The following RBM33 variants were observed in gnomAD, a reference collection of about 807,000 sequenced individuals.
RBM33 encodes the protein RNA-binding protein 33.
Under a neutral mutation model 132.6 loss-of-function variants are expected in RBM33, and 28 were observed. The observed-to-expected ratio is 0.21, with a 90% CI of 0.16 to 0.29. The LOEUF (loss-of-function observed/expected upper bound fraction) is 0.29. Among genes scored for constraint, RBM33 ranks in the 10% least tolerant of loss-of-function variants. RBM33 has a pLI of 1.00. For missense variants in RBM33, 1,291 were observed against 1,518.5 expected (o/e 0.85, Z 2.49); for synonymous variants, 634 against 593.0 (o/e 1.07, Z -1.01).
chr7:155,737,290 C>T (rs539480107), intron 9 of RBM33, among the ~76,000 whole-genome samples: 13 of 147,262 alleles, frequency 8.8e-5, no homozygotes, highest in Admixed American at 4.7e-4. Context: ...CTGTGGTGTT[C>T]GCATGATGGA....
At chr7:155,666,065 C>T (rs1798792158) in intron 2 of RBM33, among the ~76,000 whole-genome samples, 1 of 152,172 alleles carries the variant, frequency 6.6e-6, no homozygotes, top group Non-Finnish European at 1.5e-5. Context: ...TCTTTAGTGA[C>T]TCATGCAGTG....
At chr7:155,709,885 A>G (rs1487680095) in intron 7 of RBM33, among the ~76,000 whole-genome samples, 3 of 152,338 alleles carry the variant, frequency 2.0e-5, no homozygotes, top group Non-Finnish European at 1.5e-5. Context: ...AGGTGGGCCA[A>G]AGCCATTCAC....
intron 7 of RBM33, among the ~76,000 whole-genome samples, chr7:155,710,958 C>T (rs980211004): frequency 6.1e-5 from 9 of 147,924 alleles, no homozygotes; most frequent in Admixed American, 2.0e-4. Flanking sequence ...GGGCTGTTTT[C>T]CCTCTTGCGT....
At chr7:155,730,539 G>A (rs778543035) in intron 9 of RBM33, among the ~76,000 whole-genome samples, 1 of 152,192 alleles carries the variant, frequency 6.6e-6, no homozygotes, top group African/African-American at 2.4e-5. Flanking sequence ...TGAGCAAACT[G>A]AGGCCCAGAC....
intron 8 of RBM33, among the ~76,000 whole-genome samples, chr7:155,714,841 C>T (rs1178147373): frequency 6.6e-6 from 1 of 152,112 alleles, no homozygotes; most frequent in African/African-American, 2.4e-5. Flanking sequence ...TGGGACCCTC[C>T]CATACGTGGG....
intron 5 of RBM33, among the ~76,000 whole-genome samples, chr7:155,684,316 G>T (rs377616096): frequency 2.2e-4 from 33 of 152,170 alleles, no homozygotes; most frequent in African/African-American, 7.5e-4. Flanking sequence ...TCACTTGTTA[G>T]CAATACCAGA....
chr7:155,713,197 G>T lies in RBM33; in HGVS notation c.1201+1742G>T, dbSNP rs187917179. Among the ~76,000 whole-genome samples, 259 of 152,240 alleles carry T rather than the reference G, an allele frequency of 1.7e-3. 2 individuals carry two copies. Among genetic ancestry groups the T allele is most frequent in the Admixed American group, 0.015 (232 of 15,282 alleles). On this transcript the variant is annotated intron_variant, in intron 8 of 17. Transcript: ENST00000401878. ...GTGGGGAGATCAAAAGTTCTGTTTT[G>T]GGTGCATTAAATTTGAGATGCCAAC...
intron 7 of RBM33, chr7:155,707,530 T>A (rs1218743174): frequency 3.2e-6 from 1 of 313,900 alleles, no homozygotes; most frequent in Non-Finnish European, 6.2e-6. Flanking sequence ...TAACATGTCC[T>A]CCATACAAAG....
intron 14 of RBM33, among the ~76,000 whole-genome samples, chr7:155,763,154 T>C (rs544401553): frequency 3.6e-4 from 55 of 152,248 alleles, no homozygotes; most frequent in Non-Finnish European, 7.1e-4. Context: ...TAAATGCGCT[T>C]CTTGGAAATC....
intron 1 of RBM33, among the ~76,000 whole-genome samples, chr7:155,661,434 G>C (rs188001954): frequency 9.4e-4 from 133 of 142,120 alleles, no homozygotes; most frequent in African/African-American, 3.3e-3. Context: ...CCCAGACAGA[G>C]TCTTGCTCTG....
Position 155,733,632 on chromosome 7 carries a change from C to T in RBM33, c.1261-3898C>T, listed in dbSNP as rs748348513. Among the ~76,000 whole-genome samples the T allele has an allele frequency of 7.9e-5, 12 of 152,254 alleles. No individual in the cohort carries two copies. In the Middle Eastern group the frequency reaches 0.01, roughly 129 times the overall value. ...TTTGGTCCTCATTTTAAGGTGGCTG[C>T]TTAGAAAGCATTGGTTCTTGACTGG... On this transcript the variant is annotated intron_variant, in intron 9 of 17. Transcript: ENST00000401878.
At chr7:155,650,673 CTT>C (rs1387732898) in intron 1 of RBM33, among the ~76,000 whole-genome samples, 1 of 152,090 alleles carries the variant, frequency 6.6e-6, no homozygotes, top group Non-Finnish European at 1.5e-5. Flanking sequence ...TGGAAGAACT[CTT>C]TTCTCCAGAG....
At chr7:155,751,404 A>G (rs1801682016) in intron 14 of RBM33, among the ~76,000 whole-genome samples, 1 of 152,230 alleles carries the variant, frequency 6.6e-6, no homozygotes, top group South Asian at 2.1e-4. Flanking sequence ...CACTGATACT[A>G]TCATCTTATC....
At chr7:155,722,894 A>G (rs1363992015) in intron 9 of RBM33, among the ~76,000 whole-genome samples, 2 of 152,236 alleles carry the variant, frequency 1.3e-5, no homozygotes, top group East Asian at 3.8e-4. Context: ...AAATAGTGAT[A>G]TTTCAGTTAG....
At chr7:155,710,040 T>G (rs980493532) in intron 7 of RBM33, among the ~76,000 whole-genome samples, 1 of 152,238 alleles carries the variant, frequency 6.6e-6, no homozygotes, top group Non-Finnish European at 1.5e-5. Context: ...CATCTCACAC[T>G]GCTGTGAATG....
rs56739117 is a variant in RBM33, at chr7:155,724,990, T to TTGTGTGTGTG, written c.1260+6585_1260+6594dup. On this transcript the variant is annotated intron_variant, in intron 9 of 17. Transcript: ENST00000401878. The stretch of plus-strand genomic sequence containing the variant: ...TTGCTGTAAACATTTGTGTACAGGT[T>TTGTGTGTGTG]TGTGTGTGTGTGTGTGTGTGTGTGT... 1.5e-3 allele frequency among the ~76,000 whole-genome samples: 188 copies of TTGTGTGTGTG among 123,358 alleles called. 2 individuals carry two copies. Among genetic ancestry groups the TTGTGTGTGTG allele is most frequent in the Admixed American group, 3.4e-3 (41 of 12,202 alleles). 80.9% of individuals were successfully genotyped at this position (123,358 alleles called of 152,430 possible).
In RBM33 at chr7:155,672,871, C is replaced by A; in HGVS notation, c.127C>A (p.Leu43Ile). 6.5e-7 allele frequency: 1 copy of A among 1,544,952 alleles called. No homozygotes were observed. The highest frequency in any genetic ancestry group is 8.7e-7 in the Non-Finnish European group (1 of 1,143,142). Residue 43 changes from leucine to isoleucine, a missense_variant, in exon 3 of 18, where the codon CTT becomes ATT. Leu to Ile is a conservative substitution (Grantham distance 5). This residue lies in a region of RBM33 where 194 missense variants were observed against 249.8 expected (regional missense o/e 0.78). Coordinates refer to ENST00000401878, the MANE Select transcript of RBM33 (RefSeq NM_053043.3). ...RAADEDWDSELEDDLLGEDLL... is the reference protein window; with the variant it reads ...RAADEDWDSEIEDDLLGEDLL... ...GTCTCTTTTTTTTCTCCCAAGTGAA[C>A]TTGAAGATGATTTACTTGGAGAAGA...
intron 4 of RBM33, among the ~76,000 whole-genome samples, chr7:155,679,452 C>G (rs1010080028): frequency 6.6e-6 from 1 of 151,880 alleles, no homozygotes; most frequent in South Asian, 2.1e-4. Flanking sequence ...TTGACTGATA[C>G]GATGAATGTC....
At position 155,689,095 on chromosome 7, in the gene RBM33, CTGGT is replaced by C. The variant is rs200908637; in HGVS notation, c.567+8188_567+8191del. ...TGGTAGAATTCGGCTGTGAATCCAT[CTGGT>C]CCTGGACTTTTTTTGGTTGGTAAGC... On this transcript the variant is annotated intron_variant, in intron 5 of 17. Transcript: ENST00000401878. Among the ~76,000 whole-genome samples, 43 of 152,292 alleles carry C rather than the reference CTGGT, an allele frequency of 2.8e-4. No individual in the cohort carries two copies. In the East Asian group the frequency reaches 4.6e-3, roughly 16 times the overall value.
Sources: gnomAD v4.1 joint callset for allele counts (sites outside exome capture counted in the v4.1 genomes callset) on GRCh38, gnomAD v4.1.1 for gene constraint, gnomAD v4.1.1 regional missense constraint, MANE v1.5 for transcripts, NCBI Gene and HGNC (gene_info 2026-07-23, HGNC 2026-07-21) for gene names.